ATXN10: variants seen among roughly 807,000 people sequenced by gnomAD.
ATXN10 encodes ataxin 10.
A neutral mutation model predicts 52.9 loss-of-function variants in ATXN10; 28 were observed. The observed-to-expected ratio is 0.53, with a 90% CI of 0.39 to 0.73. The LOEUF is 0.73. Ranked by LOEUF, ATXN10 falls within the 30% of genes least tolerant of loss-of-function variation. ATXN10 has a pLI of 0.00. For missense variants in ATXN10, 565 were observed against 577.0 expected (o/e 0.98, Z 0.21); for synonymous variants, 226 against 221.5 (o/e 1.02, Z -0.18).
Position 45,733,609 on chromosome 22 carries a change from G to T in ATXN10, c.894+4019G>T, listed in dbSNP as rs1318347328. On this transcript the variant is annotated intron_variant, in intron 7 of 11. Coordinates refer to ENST00000252934, the MANE Select transcript of ATXN10 (RefSeq NM_013236.4). The surrounding 1 kb of genome is among the most constrained non-coding windows in gnomAD (Gnocchi z 4.4). Reference sequence around the variant, plus strand: ...AAATTAGCCGGGTGTGGTGGCGGATGCCTGTAATCCCAGCTACTCGGGAGG... The same window carrying T: ...AAATTAGCCGGGTGTGGTGGCGGATTCCTGTAATCCCAGCTACTCGGGAGG... Among the ~76,000 whole-genome samples, 1 of 152,046 alleles carries T rather than the reference G, an allele frequency of 6.6e-6. No individual in the cohort carries two copies. The highest frequency in any genetic ancestry group is 1.5e-5 in the Non-Finnish European group (1 of 68,002).
rs1468440221 is a variant in ATXN10, at chr22:45,789,445, G to T, written c.1174-17514G>T. On this transcript the variant is annotated intron_variant, in intron 9 of 11. Transcript: ENST00000252934. This position sits in a 1 kb window ranked among gnomAD's most constrained non-coding sequence, Gnocchi z 4.0. ...AAGGATGAGTGGAAACATGGCTCTT[G>T]TCATTGAAAGCCCCAGAGTCTAATG... is the stretch of plus-strand genomic sequence containing the variant. Among the ~76,000 whole-genome samples, 1 of 152,114 alleles carries T rather than the reference G, an allele frequency of 6.6e-6. No individual in the cohort carries two copies. The highest frequency in any genetic ancestry group is 1.5e-5 in the Non-Finnish European group (1 of 68,014).
chr22:45,740,221 G>A, intron 8 of ATXN10, 148 bp from the exon 9 acceptor site: 1 of 749,830 alleles, frequency 1.3e-6, no homozygotes, highest in Non-Finnish European at 2.2e-6. Flanking sequence ...AAAGGCAGAA[G>A]AGCCTTGTAA....
chr22:45,794,446 C>T (rs1376309707), intron 9 of ATXN10, among the ~76,000 whole-genome samples: 6 of 145,372 alleles, frequency 4.1e-5, no homozygotes, highest in Admixed American at 4.1e-4. Flanking sequence ...TCTATTCTTT[C>T]TTAAAAAAAA....
chr22:45,812,946 G>A (rs561400535), intron 10 of ATXN10, among the ~76,000 whole-genome samples: 1 of 152,318 alleles, frequency 6.6e-6, no homozygotes, highest in Admixed American at 6.5e-5. Context: ...GATGGGGCTG[G>A]AAGGGTTCCT....
chr22:45,705,730 G>A lies in ATXN10; in HGVS notation c.647+2883G>A, dbSNP rs528268533. On this transcript the variant is annotated intron_variant, in intron 5 of 11. Coordinates refer to ENST00000252934, the MANE Select transcript of ATXN10 (RefSeq NM_013236.4). This position sits in a 1 kb window ranked among gnomAD's most constrained non-coding sequence, Gnocchi z 5.2. The stretch of plus-strand genomic sequence containing the variant: ...ATTACAGGCGTGAGCCACCGCGCCC[G>A]GCCTCCACTTGTTACGGGTCTATTC... Among the ~76,000 whole-genome samples, 46 of 152,208 alleles carry A rather than the reference G, an allele frequency of 3.0e-4. No homozygotes were observed. Among genetic ancestry groups the A allele is most frequent in the African/African-American group, 1.0e-3 (42 of 41,550 alleles).
intron 5 of ATXN10, among the ~76,000 whole-genome samples, chr22:45,716,044 G>T (rs948973014): frequency 6.6e-6 from 1 of 152,150 alleles, no homozygotes; most frequent in Non-Finnish European, 1.5e-5. Context: ...AGGATAGCTT[G>T]AGGCCAGGAG....
chr22:45,812,677 G>A (rs556963798), intron 10 of ATXN10, among the ~76,000 whole-genome samples: 1 of 152,302 alleles, frequency 6.6e-6, no homozygotes, highest in South Asian at 2.1e-4. Flanking sequence ...TTTTGGGCAT[G>A]CTGAGACTAG....
At position 45,684,416 on chromosome 22, in the gene ATXN10, G is replaced by C. The variant is rs892566953; in HGVS notation, c.117-5296G>C. ...AGCAGGGGTTGCCAGACCATGGCCAGATCTGGCCTACTACCTGTTTTTTTT... is the reference window on the plus strand; with the variant it reads ...AGCAGGGGTTGCCAGACCATGGCCACATCTGGCCTACTACCTGTTTTTTTT... On this transcript the variant is annotated intron_variant, in intron 1 of 11. Transcript: ENST00000252934. This position sits in a 1 kb window ranked among gnomAD's most constrained non-coding sequence, Gnocchi z 4.1. Among the ~76,000 whole-genome samples the C allele has an allele frequency of 6.6e-6, 1 of 152,122 alleles. No individual in the cohort carries two copies. The highest frequency in any genetic ancestry group is 6.5e-5 in the Admixed American group (1 of 15,270).
rs2146857023 is a variant in ATXN10 at position 45,784,485 on chromosome 22, C to T, written c.1174-22474C>T. 6.6e-6 allele frequency among the ~76,000 whole-genome samples: 1 copy of T among 152,176 alleles called. No individual in the cohort carries two copies. The highest frequency in any genetic ancestry group is 1.9e-4 in the East Asian group (1 of 5,192). On this transcript the variant is annotated intron_variant, in intron 9 of 11. Transcript: ENST00000252934. This position sits in a 1 kb window ranked among gnomAD's most constrained non-coding sequence, Gnocchi z 4.2. ...CATAGTCCCCTAATTGTAATCTGCA[C>T]CCCGAGTGTCACATTGCACAGTCTG...
chr22:45,789,631 A>G lies in ATXN10; in HGVS notation c.1174-17328A>G, dbSNP rs894552007. Among the ~76,000 whole-genome samples the G allele has an allele frequency of 1.3e-5, 2 of 152,188 alleles. No homozygotes were observed. The highest frequency in any genetic ancestry group is 2.4e-5 in the African/African-American group (1 of 41,452). ...TTAATACAGCTCTCTCCACGACAAG[A>G]AGAAGAGAGGGAGAGCCTTCTAACC... is the stretch of plus-strand genomic sequence containing the variant. On this transcript the variant is annotated intron_variant, in intron 9 of 11. Coordinates refer to ENST00000252934, the MANE Select transcript of ATXN10 (RefSeq NM_013236.4). This position sits in a 1 kb window ranked among gnomAD's most constrained non-coding sequence, Gnocchi z 4.0.
At chr22:45,803,538 GA>G (rs1202019942) in intron 9 of ATXN10, among the ~76,000 whole-genome samples, 1 of 152,168 alleles carries the variant, frequency 6.6e-6, no homozygotes, top group Non-Finnish European at 1.5e-5. Flanking sequence ...CTATGTTCCA[GA>G]AGGGTTTGGA....
intron 10 of ATXN10, among the ~76,000 whole-genome samples, chr22:45,836,697 C>T (rs1929179276): frequency 6.6e-6 from 1 of 152,198 alleles, no homozygotes; most frequent in Non-Finnish European, 1.5e-5. Context: ...CTTTGGCTGA[C>T]AGAAATTGGC....
At chr22:45,776,549 A>G (rs902416490) in intron 9 of ATXN10, among the ~76,000 whole-genome samples, 4 of 151,838 alleles carry the variant, frequency 2.6e-5, no homozygotes, top group African/African-American at 9.7e-5. Context: ...GCTTTAAGGC[A>G]ATTAAACTGA....
chr22:45,794,262 C>A (rs1927628398), intron 9 of ATXN10, among the ~76,000 whole-genome samples: 1 of 152,098 alleles, frequency 6.6e-6, no homozygotes, highest in Non-Finnish European at 1.5e-5. Flanking sequence ...AGTAGCCTGG[C>A]TGGGCACTTT....
At chr22:45,801,033 G>A (rs1418174361) in intron 9 of ATXN10, among the ~76,000 whole-genome samples, 1 of 152,212 alleles carries the variant, frequency 6.6e-6, no homozygotes, top group African/African-American at 2.4e-5. Context: ...ATGCCTTTTA[G>A]AAGTAAAGAA....
Position 45,681,734 on chromosome 22 carries a change from C to T in ATXN10, c.117-7978C>T, listed in dbSNP as rs1922931481. ...ACTTGCTGATCACTAACTAACGTGG[C>T]CCTTAATGCTACCTGTCAGTCCCGC... On this transcript the variant is annotated intron_variant, in intron 1 of 11. Transcript: ENST00000252934. The surrounding 1 kb of genome is among the most constrained non-coding windows in gnomAD (Gnocchi z 4.2). 6.6e-6 allele frequency among the ~76,000 whole-genome samples: 1 copy of T among 152,148 alleles called. No homozygotes were observed. The highest frequency in any genetic ancestry group is 2.1e-4 in the South Asian group (1 of 4,828).
chr22:45,738,469 G>C, intron 7 of ATXN10: 1 of 413,734 alleles, frequency 2.4e-6, no homozygotes, highest in East Asian at 4.6e-5. Flanking sequence ...GAACTTTTCT[G>C]ACTCTTTGCT....
chr22:45,742,429 G>A (rs985044288), intron 9 of ATXN10, among the ~76,000 whole-genome samples: 8 of 151,908 alleles, frequency 5.3e-5, no homozygotes, highest in Admixed American at 2.6e-4. Flanking sequence ...AAGGAGATAC[G>A]CTTCATAAGA....
intron 3 of ATXN10, among the ~76,000 whole-genome samples, chr22:45,695,025 T>C (rs1252641111): frequency 2.0e-5 from 3 of 150,714 alleles, no homozygotes; most frequent in Non-Finnish European, 4.4e-5. Flanking sequence ...TGTACTAAAT[T>C]ATAGGTTAAA....
Sources: gnomAD v4.1 joint callset for allele counts (sites outside exome capture counted in the v4.1 genomes callset) on GRCh38, gnomAD v4.1.1 for gene constraint, Gnocchi (gnomAD v3.1) non-coding constraint, MANE v1.5 for transcripts, NCBI Gene and HGNC (gene_info 2026-07-23, HGNC 2026-07-21) for gene names.